The following DNAH14 variants were observed in gnomAD, a reference collection of about 807,000 sequenced individuals.
DNAH14 encodes dynein axonemal heavy chain 14, also known as axonemal beta dynein heavy chain 14.
Under a neutral mutation model 520.9 loss-of-function variants are expected in DNAH14, and 478 were observed. That is an observed-to-expected ratio of 0.92 (90% CI 0.85 to 0.99). The LOEUF is 0.99. DNAH14 is among the 50% of genes least tolerant of loss of function. The probability of loss-of-function intolerance (pLI) is 0.00; values close to 1 mark genes in which losing one functional copy is unlikely to be tolerated. For synonymous variants in DNAH14, 1,581 were observed against 1,757.2 expected, an observed-to-expected ratio of 0.90 and a Z score of 2.51; for missense variants, 4,831 against 5,234.5, an observed-to-expected ratio of 0.92 and a Z score of 2.38.
chr1:225,068,769 A>C (rs1471977955), intron 17 of DNAH14, among the ~76,000 whole-genome samples: 1 of 152,152 alleles, frequency 6.6e-6, no homozygotes, highest in Non-Finnish European at 1.5e-5. Context: ...GGTGTATAGG[A>C]ATGCTAGTTA....
chr1:224,971,366 T>C (rs1014491159), intron 7 of DNAH14, among the ~76,000 whole-genome samples: 4 of 152,202 alleles, frequency 2.6e-5, no homozygotes, highest in African/African-American at 9.6e-5. Flanking sequence ...GAGAAACTTT[T>C]TTTTTGTAAG....
chr1:225,206,388 A>G (rs1160647970), intron 40 of DNAH14, among the ~76,000 whole-genome samples: 1 of 152,190 alleles, frequency 6.6e-6, no homozygotes, highest in Non-Finnish European at 1.5e-5. Context: ...TACTACTCTT[A>G]GTAATTGGAG....
At chr1:225,246,316 T>C (rs2092281283) in intron 43 of DNAH14, among the ~76,000 whole-genome samples, 1 of 152,072 alleles carries the variant, frequency 6.6e-6, no homozygotes, top group South Asian at 2.1e-4. Flanking sequence ...GACATAGGCA[T>C]AGGCAAAGAC....
intron 36 of DNAH14, among the ~76,000 whole-genome samples, chr1:225,175,236 A>G (rs2083182690): frequency 1.3e-5 from 2 of 152,178 alleles, no homozygotes; most frequent in African/African-American, 2.4e-5. Flanking sequence ...TAGAATTGGT[A>G]TTAGTTCTTC....
chr1:225,198,261 G>A (rs936900842), intron 38 of DNAH14, among the ~76,000 whole-genome samples: 9 of 150,756 alleles, frequency 6.0e-5, no homozygotes, highest in East Asian at 1.9e-4. Flanking sequence ...TGTGTTGCCC[G>A]GGCTGGAGTG....
At chr1:225,023,466 C>A in intron 10 of DNAH14, 149 bp from the exon 11 acceptor site, 1 of 543,956 alleles carries the variant, frequency 1.8e-6, no homozygotes, top group Non-Finnish European at 3.0e-6. Context: ...TTAGGCCTAC[C>A]CTTTAAATCA....
chr1:225,316,510 C>T (rs546329795), intron 60 of DNAH14, among the ~76,000 whole-genome samples: 10 of 152,128 alleles, frequency 6.6e-5, no homozygotes, highest in Non-Finnish European at 1.3e-4. Context: ...TCCTGGTCTG[C>T]GGGTTGTGAA....
intron 27 of DNAH14, among the ~76,000 whole-genome samples, chr1:225,139,396 A>G (rs2079230740): frequency 1.3e-5 from 2 of 152,192 alleles, no homozygotes; most frequent in Admixed American, 1.3e-4. Flanking sequence ...CAATCATTGA[A>G]TGTTCTTTTG....
intron 17 of DNAH14, among the ~76,000 whole-genome samples, chr1:225,058,364 A>G (rs2069468372): frequency 6.6e-6 from 1 of 152,004 alleles, no homozygotes; most frequent in Non-Finnish European, 1.5e-5. Context: ...TTTCTGTGGG[A>G]TTGGTGGTGA....
At chr1:225,255,246 C>A (rs898792579) in intron 44 of DNAH14, among the ~76,000 whole-genome samples, 1 of 152,114 alleles carries the variant, frequency 6.6e-6, no homozygotes, top group African/African-American at 2.4e-5. Flanking sequence ...AATGTTCAAT[C>A]CACAGCTAAG....
intron 27 of DNAH14, among the ~76,000 whole-genome samples, chr1:225,134,499 A>G (rs1173079818): frequency 2.6e-5 from 4 of 151,996 alleles, no homozygotes; most frequent in Non-Finnish European, 1.5e-5. Flanking sequence ...TTTTGTCTTT[A>G]GTTCTCTTTA....
At chr1:225,024,035 TA>T in intron 11 of DNAH14, 170 bp downstream of exon 11, 1 of 1,214,104 alleles carries the variant, frequency 8.2e-7, no homozygotes, top group African/African-American at 1.6e-5. Flanking sequence ...GGTAATACCT[TA>T]CTTAATATCG....
intron 76 of DNAH14, among the ~76,000 whole-genome samples, chr1:225,366,344 A>T (rs1445502872): frequency 2.6e-5 from 4 of 152,186 alleles, no homozygotes; most frequent in Non-Finnish European, 4.4e-5. Context: ...ATAAATTATG[A>T]TGTATTTGTG....
At position 225,100,731 on chromosome 1, in the gene DNAH14, A is replaced by C; in HGVS notation, c.3714A>C (p.Thr1238=). The change falls in exon 23 of 86, where the codon ACA becomes ACC. Residue 1238 remains threonine, a synonymous_variant. Coordinates refer to ENST00000682510, the MANE Select transcript of DNAH14 (RefSeq NM_001367479.1). ...TCTAAAGGCAACTCCCAGCAGAAAC[A>C]GAACTTTTCTCTCAAGTGATTTCCA... ...SEIRRQLPAE[T]ELFSQVISMW... 6.6e-7 allele frequency: 1 copy of C among 1,511,492 alleles called. No homozygotes were observed. The highest frequency in any genetic ancestry group is 8.8e-7 in the Non-Finnish European group (1 of 1,134,772). The allele number at this position is 1,511,492 out of a possible 1,614,324, so 93.6% of individuals were successfully genotyped here. A position where few individuals can be genotyped will look rare whatever the true frequency, so the allele number is the denominator to read the frequency against.
At chr1:225,097,268 G>A (rs996401482) in intron 22 of DNAH14, 29 bp downstream of exon 22, 1 of 1,499,434 alleles carries the variant, frequency 6.7e-7, no homozygotes, top group East Asian at 2.5e-5. Context: ...ACCATATACA[G>A]GTTCAAAATG....
chr1:225,084,810 T>TTAGAGTATAATAAAAAAAAAA (rs1436602926), intron 20 of DNAH14, among the ~76,000 whole-genome samples: 1 of 120,054 alleles, frequency 8.3e-6, no homozygotes, highest in African/African-American at 2.7e-5. Flanking sequence ...TTCACTTCAC[T>TTAGAGTATAATAAAAAAAAAA]GAAATTTTGC....
chr1:225,229,682 A>G (rs2090908148), intron 41 of DNAH14, among the ~76,000 whole-genome samples: 1 of 151,774 alleles, frequency 6.6e-6, no homozygotes, highest in Non-Finnish European at 1.5e-5. Context: ...AAAACCAGAC[A>G]CCACATGTTC....
chr1:225,377,442 A>C lies in DNAH14; in HGVS notation c.12716+6A>C. The C allele has an allele frequency of 6.5e-7, 1 of 1,538,122 alleles. No homozygotes were observed. The highest frequency in any genetic ancestry group is 8.8e-7 in the Non-Finnish European group (1 of 1,140,384). Reference sequence around the variant, plus strand: ...ACTGCCAACCTCATGATCAGGTAAGAACTCGCTAGGAAAAATTGTTGGTCA... The same window carrying C: ...ACTGCCAACCTCATGATCAGGTAAGCACTCGCTAGGAAAAATTGTTGGTCA... On this transcript the variant is annotated splice_donor_region_variant and intron_variant, in intron 79 of 85. Transcript: ENST00000682510.
intron 79 of DNAH14, 48 bp downstream of exon 79, chr1:225,377,484 G>C (rs1260472260): frequency 1.1e-5 from 17 of 1,505,696 alleles, no homozygotes; most frequent in Non-Finnish European, 1.5e-5. Flanking sequence ...ATCAGGCTGG[G>C]TCTGGCAGCT....
Sources: allele counts gnomAD v4.1 joint callset (sites outside exome capture counted in the v4.1 genomes callset), GRCh38; gene constraint gnomAD v4.1.1; transcripts MANE v1.5; gene names NCBI Gene and HGNC (gene_info 2026-07-23, HGNC 2026-07-21).